MYO3B: variants seen among roughly 807,000 people sequenced by gnomAD.
MYO3B encodes the protein myosin-IIIb.
In MYO3B, 156 loss-of-function variants were observed where a neutral mutation model predicts 174.6. That is an observed-to-expected ratio of 0.89 (90% CI 0.78 to 1.02). MYO3B has a LOEUF of 1.02. Among genes scored for constraint, MYO3B ranks in the 50% least tolerant of loss-of-function variants. The pLI, the probability that MYO3B is intolerant of heterozygous loss-of-function variation, is 0.00. For missense variants in MYO3B, 1,632 were observed against 1,639.4 expected, an observed-to-expected ratio of 1.00 and a Z score of 0.08; for synonymous variants, 563 against 569.1, an observed-to-expected ratio of 0.99 and a Z score of 0.15.
intron 32 of MYO3B, among the ~76,000 whole-genome samples, chr2:170,650,635 C>CAA (rs1318433877): frequency 7.0e-6 from 1 of 143,600 alleles, no homozygotes; most frequent in Non-Finnish European, 1.5e-5. Context: ...ACAGTAGATC[C>CAA]AAAAAATCAT....
intron 7 of MYO3B, among the ~76,000 whole-genome samples, chr2:170,301,844 CAT>C (rs1170881748): frequency 7.1e-6 from 1 of 141,348 alleles, no homozygotes; most frequent in Admixed American, 7.3e-5. Flanking sequence ...AAACGAGCGA[CAT>C]AGAGCGGCCA....
chr2:170,452,085 C>T (rs897487959), intron 23 of MYO3B, among the ~76,000 whole-genome samples: 1 of 152,078 alleles, frequency 6.6e-6, no homozygotes, highest in African/African-American at 2.4e-5. Context: ...CTAATCCAAG[C>T]ATGCAAAGAG....
chr2:170,214,788 T>A lies in MYO3B; in HGVS notation c.486T>A (p.Ile162=). ...IIHRDVKGNN[I]LLTTEGGVKL... is the part of the protein sequence containing the mutation. ...ACCGTGATGTGAAGGGGAATAACAT[T>A]CTTCTGACAACAGAAGGAGGAGTTA... Residue 162 remains isoleucine (I), a synonymous_variant, in exon 5 of 35, where the codon ATT becomes ATA. Transcript: ENST00000408978. 6.2e-7 allele frequency: 1 copy of A among 1,614,168 alleles called. No homozygotes were observed. The highest frequency in any genetic ancestry group is 8.5e-7 in the Non-Finnish European group (1 of 1,180,004).
At chr2:170,269,666 T>C (rs1340175084) in intron 7 of MYO3B, among the ~76,000 whole-genome samples, 2 of 152,330 alleles carry the variant, frequency 1.3e-5, no homozygotes, top group Non-Finnish European at 2.9e-5. Context: ...TGCAGCATTT[T>C]CTCTTAATAT....
chr2:170,520,448 C>T (rs1462138231), intron 30 of MYO3B, among the ~76,000 whole-genome samples: 1 of 148,988 alleles, frequency 6.7e-6, no homozygotes. Context: ...TATATATACA[C>T]ATATATATAT....
At chr2:170,236,412 C>T (rs184201601) in intron 7 of MYO3B, among the ~76,000 whole-genome samples, 3 of 152,226 alleles carry the variant, frequency 2.0e-5, no homozygotes, top group Admixed American at 6.5e-5. Context: ...GTACTTTGCA[C>T]GATAAGACTA....
chr2:170,320,613 A>G (rs2093818425), intron 7 of MYO3B, among the ~76,000 whole-genome samples: 1 of 152,000 alleles, frequency 6.6e-6, no homozygotes, highest in Admixed American at 6.6e-5. Context: ...ATCGATTGGT[A>G]TACACTTAGT....
chr2:170,610,467 T>A (rs961749299), intron 32 of MYO3B, among the ~76,000 whole-genome samples: 4 of 152,240 alleles, frequency 2.6e-5, no homozygotes, highest in African/African-American at 9.6e-5. Flanking sequence ...GTTAACAAAA[T>A]TGATTACCCT....
chr2:170,512,691 T>A (rs1207703649), intron 28 of MYO3B, among the ~76,000 whole-genome samples: 2 of 152,092 alleles, frequency 1.3e-5, no homozygotes, highest in Admixed American at 6.5e-5. Context: ...CATGAAAGAA[T>A]GTAACAAAGG....
At chr2:170,598,967 C>A (rs538055726) in intron 32 of MYO3B, among the ~76,000 whole-genome samples, 43 of 152,300 alleles carry the variant, frequency 2.8e-4, no homozygotes, top group African/African-American at 9.9e-4. Context: ...TGCCTCAAGT[C>A]CTTTCATGCC....
intron 7 of MYO3B, among the ~76,000 whole-genome samples, chr2:170,308,207 G>A (rs951283693): frequency 2.0e-5 from 3 of 152,150 alleles, no homozygotes; most frequent in Non-Finnish European, 2.9e-5. Flanking sequence ...CTACTCTCAG[G>A]TTCTGAGAAA....
chr2:170,652,982 G>T lies in MYO3B; in HGVS notation c.3888-1G>T, dbSNP rs1699106321. On this transcript the variant is annotated splice_acceptor_variant, in intron 34 of 34. Transcript: ENST00000408978. LOFTEE classifies it high-confidence loss of function. ...AAATCCTGTTGTTTTCTTTGTTGCA[G>T]CCAAATCAAAGTACTTGATGGGGAA... 3 of 1,613,428 alleles carry T rather than the reference G, an allele frequency of 1.9e-6. No homozygotes were observed.
intron 9 of MYO3B, among the ~76,000 whole-genome samples, chr2:170,373,921 G>A (rs1558936106): frequency 6.6e-6 from 1 of 152,030 alleles, no homozygotes; most frequent in Non-Finnish European, 1.5e-5. Flanking sequence ...TCACTATGAG[G>A]AATATGATAA....
chr2:170,634,153 T>C (rs2105400567), intron 32 of MYO3B, among the ~76,000 whole-genome samples: 1 of 152,310 alleles, frequency 6.6e-6, no homozygotes, highest in Non-Finnish European at 1.5e-5. Flanking sequence ...AGAGCCCACA[T>C]TGCCAAGACA....
chr2:170,540,624 A>G (rs1235532940), intron 30 of MYO3B, among the ~76,000 whole-genome samples: 1 of 151,496 alleles, frequency 6.6e-6, no homozygotes, highest in Non-Finnish European at 1.5e-5. Flanking sequence ...ATTGCAGAGC[A>G]TTATCCAGTC....
chr2:170,649,424 TATATA>T lies in MYO3B; in HGVS notation c.3734-2198_3734-2194del, dbSNP rs1259542313. On this transcript the variant is annotated intron_variant, in intron 32 of 34. Coordinates refer to ENST00000408978, the MANE Select transcript of MYO3B (RefSeq NM_138995.5). ...AATATAAAATATTACATATAAAATA[TATATA>T]ATATATTACATATAAAATATATAAT... Among the ~76,000 whole-genome samples the T allele has an allele frequency of 3.3e-3, 410 of 125,990 alleles. 10 individuals carry two copies. Among genetic ancestry groups the T allele is most frequent in the African/African-American group, 9.5e-3 (319 of 33,534 alleles). 82.7% of individuals were successfully genotyped at this position (125,990 alleles called of 152,430 possible). A position where few individuals can be genotyped will look rare whatever the true frequency, so the allele number is the denominator to read the frequency against.
chr2:170,407,481 A>G (rs968680026), intron 21 of MYO3B, among the ~76,000 whole-genome samples: 28 of 152,114 alleles, frequency 1.8e-4, no homozygotes, highest in Non-Finnish European at 4.0e-4. Flanking sequence ...AAAACAAAAC[A>G]ACAACAAAAG....
At chr2:170,300,567 G>A (rs1446834148) in intron 7 of MYO3B, among the ~76,000 whole-genome samples, 1 of 152,116 alleles carries the variant, frequency 6.6e-6, no homozygotes, top group Non-Finnish European at 1.5e-5. Context: ...GATAAAGGTG[G>A]CAGAATAAGG....
chr2:170,624,956 G>A lies in MYO3B; in HGVS notation c.3734-26672G>A, dbSNP rs1398425539. ...GGATAAGCTTTTTGATGTGCTGCTG[G>A]ATTCGGTTTGCCAGTATTTTATTGA... On this transcript the variant is annotated intron_variant, in intron 32 of 34. Coordinates refer to ENST00000408978, the MANE Select transcript of MYO3B (RefSeq NM_138995.5). Among the ~76,000 whole-genome samples the A allele has an allele frequency of 2.0e-5, 3 of 152,158 alleles. No homozygotes were observed. In the South Asian group the frequency reaches 6.2e-4, roughly 32 times the overall value.
Sources: gnomAD v4.1 joint callset for allele counts (sites outside exome capture counted in the v4.1 genomes callset) on GRCh38, gnomAD v4.1.1 for gene constraint, MANE v1.5 for transcripts, NCBI Gene and HGNC (gene_info 2026-07-23, HGNC 2026-07-21) for gene names.